Variants in GPC5 observed in about 807,000 individuals in gnomAD.
GPC5 encodes glypican 5.
In GPC5, 47 loss-of-function variants were observed where a neutral mutation model predicts 53.9. The ratio of observed to expected loss-of-function variants is 0.87; its 90% confidence interval spans 0.69 to 1.11. GPC5 has a LOEUF of 1.11. Among genes scored for constraint, GPC5 ranks in the 50% most tolerant of loss-of-function variants. GPC5 has a pLI of 0.00. For synonymous variants in GPC5, 286 were observed against 263.3 expected (o/e 1.09, Z -0.84); for missense variants, 748 against 713.1 (o/e 1.05, Z -0.56).
chr13:92,252,116 A>G (rs1281201536), intron 7 of GPC5, among the ~76,000 whole-genome samples: 1 of 152,162 alleles, frequency 6.6e-6, no homozygotes, highest in Non-Finnish European at 1.5e-5. Flanking sequence ...CATTGAATTG[A>G]GGTAGCACTC....
At chr13:92,539,067 G>A (rs930528232) in intron 7 of GPC5, among the ~76,000 whole-genome samples, 12 of 144,032 alleles carry the variant, frequency 8.3e-5, no homozygotes, top group African/African-American at 3.1e-4. Context: ...ATAGTAGAAT[G>A]ATTTATAATC....
intron 1 of GPC5, among the ~76,000 whole-genome samples, chr13:91,439,768 A>G (rs148734359): frequency 1.3e-5 from 2 of 152,326 alleles, no homozygotes; most frequent in South Asian, 2.1e-4. Context: ...CGTTCAGTGT[A>G]TATATCTAAC....
intron 4 of GPC5, among the ~76,000 whole-genome samples, chr13:91,746,425 C>T (rs1276416607): frequency 6.6e-6 from 1 of 152,058 alleles, no homozygotes; most frequent in Admixed American, 6.6e-5. Flanking sequence ...AAAATAAGAT[C>T]CTTCTTGGAT....
At chr13:92,537,650 C>T (rs1881769650) in intron 7 of GPC5, among the ~76,000 whole-genome samples, 1 of 152,082 alleles carries the variant, frequency 6.6e-6, no homozygotes, top group Non-Finnish European at 1.5e-5. Context: ...CCACAGATAT[C>T]ATAAACAGCA....
At chr13:92,708,958 C>T (rs950094264) in intron 7 of GPC5, among the ~76,000 whole-genome samples, 5 of 134,444 alleles carry the variant, frequency 3.7e-5, no homozygotes, top group Non-Finnish European at 7.7e-5. Flanking sequence ...TGTTGGCTCA[C>T]TGCAACCTCC....
At chr13:92,651,027 G>A (rs61975898) in intron 7 of GPC5, among the ~76,000 whole-genome samples, 3 of 151,762 alleles carry the variant, frequency 2.0e-5, no homozygotes, top group Non-Finnish European at 4.4e-5. Flanking sequence ...CTGTGTTACT[G>A]TGCTGAGGAT....
At chr13:91,934,476 G>A (rs2039851437) in intron 6 of GPC5, among the ~76,000 whole-genome samples, 1 of 151,772 alleles carries the variant, frequency 6.6e-6, no homozygotes, top group Non-Finnish European at 1.5e-5. Context: ...TGCTTTCTGT[G>A]ACCGATGTTA....
chr13:91,598,260 T>C (rs2033063114), intron 2 of GPC5, among the ~76,000 whole-genome samples: 1 of 152,132 alleles, frequency 6.6e-6, no homozygotes, highest in South Asian at 2.1e-4. Context: ...GAAACTAGCT[T>C]GTAAAGTACC....
At chr13:92,770,975 T>G (rs908967262) in intron 7 of GPC5, among the ~76,000 whole-genome samples, 1 of 152,098 alleles carries the variant, frequency 6.6e-6, no homozygotes, top group African/African-American at 2.4e-5. Flanking sequence ...CCCCTACCTC[T>G]CCACTGACAC....
At chr13:91,961,905 G>T (rs905966658) in intron 6 of GPC5, among the ~76,000 whole-genome samples, 4 of 152,060 alleles carry the variant, frequency 2.6e-5, no homozygotes, top group African/African-American at 9.7e-5. Context: ...GCTATTTCTG[G>T]ATCTGGTCAG....
At chr13:92,124,458 A>G (rs2041678445) in intron 6 of GPC5, among the ~76,000 whole-genome samples, 1 of 152,156 alleles carries the variant, frequency 6.6e-6, no homozygotes, top group Non-Finnish European at 1.5e-5. Context: ...TGCAAAAAGG[A>G]AAAAAAGTAT....
intron 7 of GPC5, among the ~76,000 whole-genome samples, chr13:92,453,728 A>G (rs977754972): frequency 6.6e-6 from 1 of 152,190 alleles, no homozygotes; most frequent in East Asian, 1.9e-4. Flanking sequence ...AAATGGAAGC[A>G]TAGCATCAGA....
chr13:91,642,014 A>C (rs1239720351), intron 2 of GPC5, among the ~76,000 whole-genome samples: 2 of 152,220 alleles, frequency 1.3e-5, no homozygotes, highest in Non-Finnish European at 2.9e-5. Flanking sequence ...GGCTTGATTA[A>C]CTGGATTGGT....
At chr13:91,729,483 A>G (rs1259268699) in intron 4 of GPC5, among the ~76,000 whole-genome samples, 2 of 152,202 alleles carry the variant, frequency 1.3e-5, no homozygotes, top group African/African-American at 4.8e-5. Flanking sequence ...TATTTCTAAT[A>G]ATACTCTATG....
chr13:92,138,389 G>T (rs936330591), intron 6 of GPC5, among the ~76,000 whole-genome samples: 1 of 151,936 alleles, frequency 6.6e-6, no homozygotes, highest in Non-Finnish European at 1.5e-5. Flanking sequence ...GCGTGGTGGT[G>T]TGCACCTGTT....
chr13:92,372,820 T>C (rs1326204271), intron 7 of GPC5, among the ~76,000 whole-genome samples: 1 of 152,206 alleles, frequency 6.6e-6, no homozygotes, highest in East Asian at 1.9e-4. Context: ...CAGTCATTGT[T>C]AAGAAAAGCT....
intron 5 of GPC5, among the ~76,000 whole-genome samples, chr13:91,902,076 G>C (rs922961004): frequency 1.3e-5 from 2 of 151,982 alleles, no homozygotes; most frequent in African/African-American, 2.4e-5. Context: ...ACAGACCCCT[G>C]TAACTGATTT....
intron 7 of GPC5, among the ~76,000 whole-genome samples, chr13:92,692,688 T>TA (rs140563467): frequency 1.3e-3 from 193 of 144,966 alleles, no homozygotes; most frequent in East Asian, 2.7e-3. Flanking sequence ...AATAATAAAT[T>TA]AAAAAAAACA....
chr13:92,232,995 C>T (rs1296689895), intron 7 of GPC5, among the ~76,000 whole-genome samples: 1 of 152,156 alleles, frequency 6.6e-6, no homozygotes, highest in East Asian at 1.9e-4. Flanking sequence ...TCGAGCATTT[C>T]TATCATATGT....
Sources: allele counts gnomAD v4.1 joint callset (sites outside exome capture counted in the v4.1 genomes callset), GRCh38; gene constraint gnomAD v4.1.1; transcripts MANE v1.5; gene names NCBI Gene and HGNC (gene_info 2026-07-23, HGNC 2026-07-21).